Variants in PCDH11Y observed in about 807,000 individuals in gnomAD.
PCDH11Y encodes the protein protocadherin 11 Y-linked.
For missense variants in PCDH11Y, 12 were observed against 224.8 expected (o/e 0.05, Z 6.05); for synonymous variants, 9 against 83.6 (o/e 0.11, Z 4.87).
intron 2 of PCDH11Y, among the ~76,000 whole-genome samples, chrY:5,202,549 C>T: frequency 3.0e-5 from 1 of 33,328 alleles, no homozygotes; most frequent in Non-Finnish European, 7.4e-5. Context: ...CAGTTCTGAT[C>T]GTATAACCCT....
chrY:5,392,369 CA>C (rs56793888), intron 2 of PCDH11Y, among the ~76,000 whole-genome samples: 22 of 5,339 alleles, frequency 4.1e-3, no homozygotes, highest in African/African-American at 0.015. Context: ...GACTCCGTCT[CA>C]AAAAAAAAAA....
intron 2 of PCDH11Y, among the ~76,000 whole-genome samples, chrY:5,350,630 C>T (rs2053157246): frequency 1.6e-4 from 5 of 31,901 alleles, no homozygotes; most frequent in African/African-American, 3.7e-4. Context: ...TGCTTGAACC[C>T]GGGAGGTGGA....
At chrY:5,495,989 G>C in intron 2 of PCDH11Y, among the ~76,000 whole-genome samples, 1 of 33,195 alleles carries the variant, frequency 3.0e-5, no homozygotes, top group South Asian at 6.6e-4. Flanking sequence ...CTAAAAATGA[G>C]GTGTGTAGAT....
chrY:5,178,426 C>G (rs2052896107), intron 2 of PCDH11Y, among the ~76,000 whole-genome samples: 1 of 31,952 alleles, frequency 3.1e-5, no homozygotes, highest in Non-Finnish European at 7.6e-5. Context: ...TGTTACTTTG[C>G]TGTTATTTAG....
At chrY:5,183,363 G>T (rs2052903363) in intron 2 of PCDH11Y, among the ~76,000 whole-genome samples, 9 of 33,268 alleles carry the variant, frequency 2.7e-4, no homozygotes, top group Non-Finnish European at 5.2e-4. Context: ...TTCAATTGAA[G>T]ATGCTGAATT....
intron 2 of PCDH11Y, among the ~76,000 whole-genome samples, chrY:5,288,394 C>T (rs2124661581): frequency 3.0e-5 from 1 of 32,854 alleles, no homozygotes; most frequent in African/African-American, 1.2e-4. Context: ...TGTTTCTGGA[C>T]GATTTTGGGG....
intron 2 of PCDH11Y, among the ~76,000 whole-genome samples, chrY:5,489,459 TTA>T (rs1221311897): frequency 3.6e-3 from 105 of 28,965 alleles, no homozygotes; most frequent in Non-Finnish European, 7.1e-3. Context: ...AAATATAAAA[TTA>T]TATATATATA....
intron 2 of PCDH11Y, among the ~76,000 whole-genome samples, chrY:5,385,871 T>C (rs2053214179): frequency 3.0e-5 from 1 of 33,465 alleles, no homozygotes; most frequent in South Asian, 6.5e-4. Context: ...TTTTTATTTC[T>C]TGTTAATTTG....
intron 2 of PCDH11Y, among the ~76,000 whole-genome samples, chrY:5,451,687 G>C: frequency 3.0e-5 from 1 of 33,461 alleles, no homozygotes; most frequent in Non-Finnish European, 7.4e-5. Context: ...AATCAATGAA[G>C]AAAGAAAGAC....
chrY:5,153,124 A>C, intron 2 of PCDH11Y, among the ~76,000 whole-genome samples: 1 of 33,016 alleles, frequency 3.0e-5, no homozygotes, highest in Non-Finnish European at 7.5e-5. Flanking sequence ...TGAAAGATTG[A>C]GACATGCTAT....
intron 3 of PCDH11Y, among the ~76,000 whole-genome samples, chrY:5,553,401 C>T: frequency 3.1e-5 from 1 of 32,635 alleles, no homozygotes; most frequent in African/African-American, 1.2e-4. Flanking sequence ...AGGTCCTGAA[C>T]ATGGTACTGA....
intron 2 of PCDH11Y, among the ~76,000 whole-genome samples, chrY:5,373,126 C>CCCTT: frequency 0.016 from 14 of 860 alleles, no homozygotes; most frequent in African/African-American, 0.026. Context: ...CTCCCTCCCT[C>CCCTT]CTTTCTTTCT....
intron 2 of PCDH11Y, among the ~76,000 whole-genome samples, chrY:5,427,019 C>T (rs2053263890): frequency 3.1e-5 from 1 of 32,435 alleles, no homozygotes. Context: ...GATCATTTTC[C>T]CTACTAACAC....
intron 1 of PCDH11Y, among the ~76,000 whole-genome samples, chrY:5,005,280 AG>A (rs2052538167): frequency 2.9e-5 from 1 of 34,035 alleles, no homozygotes; most frequent in African/African-American, 1.1e-4. Flanking sequence ...GTATTACAGT[AG>A]AGACTGGAAG....
chrY:5,366,357 T>C, intron 2 of PCDH11Y, among the ~76,000 whole-genome samples: 1 of 33,443 alleles, frequency 3.0e-5, no homozygotes, highest in Non-Finnish European at 7.4e-5. Flanking sequence ...GAAATAGGTA[T>C]TCTAGGAAAA....
intron 3 of PCDH11Y, among the ~76,000 whole-genome samples, chrY:5,036,427 A>G: frequency 3.0e-5 from 1 of 33,410 alleles, no homozygotes; most frequent in African/African-American, 1.2e-4. Context: ...TGTTCCAGGA[A>G]CTGTTCTAAG....
At chrY:5,561,130 T>G in intron 3 of PCDH11Y, among the ~76,000 whole-genome samples, 1 of 28,459 alleles carries the variant, frequency 3.5e-5, no homozygotes, top group African/African-American at 1.4e-4. Context: ...TGCTGAGTTT[T>G]GGACCTCCAT....
chrY:5,534,111 GA>G, intron 3 of PCDH11Y, among the ~76,000 whole-genome samples: 1 of 32,892 alleles, frequency 3.0e-5, no homozygotes, highest in East Asian at 8.1e-4. Flanking sequence ...ACTGTTTCCT[GA>G]AGCTCTTCTC....
intron 2 of PCDH11Y, among the ~76,000 whole-genome samples, chrY:5,366,015 T>G: frequency 3.0e-5 from 1 of 33,512 alleles, no homozygotes; most frequent in African/African-American, 1.2e-4. Context: ...TTAAAAGATA[T>G]CACATCATAA....
Sources: allele counts gnomAD v4.1 joint callset (sites outside exome capture counted in the v4.1 genomes callset), GRCh38; gene constraint gnomAD v4.1.1; transcripts MANE v1.5; gene names NCBI Gene and HGNC (gene_info 2026-07-23, HGNC 2026-07-21).